The following ZFAND1 variants were observed in gnomAD, a reference collection of about 807,000 sequenced individuals.
ZFAND1 encodes the protein AN1-type zinc finger protein 1.
Under a neutral mutation model 38.5 loss-of-function variants are expected in ZFAND1, and 40 were observed. The ratio of observed to expected loss-of-function variants is 1.04; its 90% CI spans 0.81 to 1.35. The LOEUF (loss-of-function observed/expected upper bound fraction) is 1.35. Among genes scored for constraint, ZFAND1 ranks in the 40% most tolerant of loss-of-function variants. The probability of loss-of-function intolerance (pLI) is 0.00; values close to 1 mark genes in which losing one functional copy is unlikely to be tolerated. For synonymous variants in ZFAND1, 117 were observed against 103.6 expected (o/e 1.13, Z -0.78); for missense variants, 346 against 316.3 (o/e 1.09, Z -0.71).
chr8:81,708,719 A>C lies in ZFAND1; in HGVS notation c.480+5199T>G, dbSNP rs2130402456. ...CTAATAGCTACTGGAAACCATGGAG[A>C]AAAAGGGTACTCTCATGTTTGGCCA... On this transcript the variant is annotated intron_variant, in intron 6 of 7. Transcript: ENST00000220669. 2.8e-6 allele frequency: 3 copies of C among 1,081,540 alleles called. No homozygotes were observed. The East Asian group carries it at 2.9e-4, about 106-fold the overall frequency. The allele number at this position is 1,081,540 out of a possible 1,614,324, so 67.0% of individuals were successfully genotyped here. A position where few individuals can be genotyped will look rare whatever the true frequency, so the allele number is the denominator to read the frequency against.
At chr8:81,714,571 T>C (rs1359295463) in intron 5 of ZFAND1, 1 of 457,406 alleles carries the variant, frequency 2.2e-6, no homozygotes, top group African/African-American at 2.0e-5. Flanking sequence ...CTAATCTAAG[T>C]GGCTCAGCAA....
At chr8:81,705,687 G>A (rs1487550792) in intron 6 of ZFAND1, among the ~76,000 whole-genome samples, 10 of 152,354 alleles carry the variant, frequency 6.6e-5, no homozygotes, top group African/African-American at 2.2e-4. Context: ...TGGGGAGGCT[G>A]AGGTGGGCAG....
intron 5 of ZFAND1, chr8:81,714,241 A>T (rs965255620): frequency 2.0e-6 from 1 of 490,860 alleles, no homozygotes; most frequent in East Asian, 3.8e-5. Flanking sequence ...CAATCTCCAC[A>T]TCAAAAAATC....
chr8:81,709,925 C>A (rs1808089639), intron 6 of ZFAND1, among the ~76,000 whole-genome samples: 1 of 152,078 alleles, frequency 6.6e-6, no homozygotes, highest in South Asian at 2.1e-4. Context: ...TAGAAGATTG[C>A]CTCAAAGTAA....
chr8:81,713,557 TC>T (rs1808207186), intron 6 of ZFAND1, among the ~76,000 whole-genome samples: 1 of 152,064 alleles, frequency 6.6e-6, no homozygotes, highest in Non-Finnish European at 1.5e-5. Flanking sequence ...AAAGGAACAG[TC>T]CTAGAGAAAC....
rs1808072356 is a variant in ZFAND1, at chr8:81,709,435, T to C, written c.480+4483A>G. On this transcript the variant is annotated intron_variant, in intron 6 of 7. Coordinates refer to ENST00000220669, the MANE Select transcript of ZFAND1 (RefSeq NM_024699.3). ...TTATCAGGGCTTGGTATATAGAAAG[T>C]ATTTTTTTTTAAGTGTGTTGACTAA... Among the ~76,000 whole-genome samples, 4 of 152,190 alleles carry C rather than the reference T, an allele frequency of 2.6e-5. No homozygotes were observed. In the South Asian group the frequency reaches 8.3e-4, roughly 31 times the overall value.
At chr8:81,717,210 A>G (rs1306488330) in intron 3 of ZFAND1, 39 bp downstream of exon 3, 1 of 1,477,900 alleles carries the variant, frequency 6.8e-7, no homozygotes, top group Non-Finnish European at 9.0e-7. Context: ...GTACATAAAT[A>G]CGAATACATT....
chr8:81,711,388 G>T (rs1231942753), intron 6 of ZFAND1, among the ~76,000 whole-genome samples: 1 of 152,054 alleles, frequency 6.6e-6, no homozygotes, highest in African/African-American at 2.4e-5. Flanking sequence ...CTCCAGCCTG[G>T]GCGACAGAGC....
At chr8:81,704,456 T>C (rs1174205367) in intron 6 of ZFAND1, among the ~76,000 whole-genome samples, 1 of 150,576 alleles carries the variant, frequency 6.6e-6, no homozygotes, top group Non-Finnish European at 1.5e-5. Flanking sequence ...GAGGATCACT[T>C]GAGCCCAAGA....
chr8:81,720,389 G>C (rs995737708), intron 1 of ZFAND1, among the ~76,000 whole-genome samples: 2 of 152,116 alleles, frequency 1.3e-5, no homozygotes, highest in South Asian at 4.1e-4. Context: ...AAGGTCTTCC[G>C]TGTAAAAGAC....
intron 6 of ZFAND1, among the ~76,000 whole-genome samples, chr8:81,712,287 T>A (rs2130416940): frequency 6.6e-6 from 1 of 152,276 alleles, no homozygotes; most frequent in African/African-American, 2.4e-5. Context: ...TATCTAATAC[T>A]TGATGAAACT....
At chr8:81,712,701 T>C (rs1808174909) in intron 6 of ZFAND1, among the ~76,000 whole-genome samples, 1 of 152,130 alleles carries the variant, frequency 6.6e-6, no homozygotes, top group South Asian at 2.1e-4. Context: ...ACTTCTATAA[T>C]TACACATAAA....
rs189993980 is a variant in ZFAND1, at chr8:81,702,435, T to A, written c.*260A>T. On this transcript the variant is annotated 3_prime_UTR_variant, in exon 8 of 8. Transcript: ENST00000220669. ...CTGACATCCCCCACCAGGAAATACA[T>A]CTTTGTTGTTGTCACTACAGCATAA... is the stretch of plus-strand genomic sequence containing the variant. 1.2e-3 allele frequency: 244 copies of A among 209,690 alleles called. 1 individual carries two copies. Among genetic ancestry groups the A allele is most frequent in the African/African-American group, 4.7e-3 (205 of 43,642 alleles). The allele number at this position is 209,690 out of a possible 1,614,324, so 13.0% of individuals were successfully genotyped here.
chr8:81,702,950 T>A lies in ZFAND1; in HGVS notation c.636+19A>T, dbSNP rs745685848. 6.7e-7 allele frequency: 1 copy of A among 1,489,596 alleles called. No individual in the cohort carries two copies. The highest frequency in any genetic ancestry group is 8.9e-7 in the Non-Finnish European group (1 of 1,119,750). 92.3% of individuals were successfully genotyped at this position (1,489,596 alleles called of 1,614,324 possible). A position where few individuals can be genotyped will look rare whatever the true frequency, so the allele number is the denominator to read the frequency against. On this transcript the variant is annotated intron_variant, in intron 7 of 7. Coordinates refer to ENST00000220669, the MANE Select transcript of ZFAND1 (RefSeq NM_024699.3). ...AAAACCTTTATTAATATAGAAATAT[T>A]ATTATAATGAGATGTTACCTTAGCT...
At chr8:81,717,062 C>T (rs114765959) in intron 3 of ZFAND1, among the ~76,000 whole-genome samples, 187 bp downstream of exon 3, 1,599 of 152,038 alleles carry the variant, frequency 0.011, 16 homozygotes, top group African/African-American at 0.035. Context: ...TTACAAATAC[C>T]AAGTAAAACA....
At chr8:81,704,030 C>T (rs1807892615) in intron 6 of ZFAND1, among the ~76,000 whole-genome samples, 1 of 151,714 alleles carries the variant, frequency 6.6e-6, no homozygotes, top group Non-Finnish European at 1.5e-5. Flanking sequence ...CTGACACATA[C>T]AACATTTCTT....
Position 81,721,099 on chromosome 8 carries a change from T to C in ZFAND1, c.55+128A>G, listed in dbSNP as rs534682541. 2.2e-4 allele frequency: 214 copies of C among 956,852 alleles called. 3 individuals carry two copies. The African/African-American group carries it at 3.2e-3, about 14-fold the overall frequency. 59.3% of individuals were successfully genotyped at this position (956,852 alleles called of 1,614,324 possible). On this transcript the variant is annotated intron_variant, in intron 1 of 7. Transcript: ENST00000220669. ...CTCACTGCAGCCCCAGAAGAAACGC[T>C]CCCACCCCGCTCCTCAGGCCCTGCC...
At position 81,702,901 on chromosome 8, in the gene ZFAND1, A is replaced by C. The variant is rs755471620; in HGVS notation, c.637-36T>G. 2.6e-6 allele frequency: 4 copies of C among 1,553,170 alleles called. No homozygotes were observed. The African/African-American group carries it at 4.1e-5, about 16-fold the overall frequency. On this transcript the variant is annotated intron_variant, in intron 7 of 7. Transcript: ENST00000220669. ...AGAAGTAAGTCATACTGTAATAAAT[A>C]AACATGCTTGAATGGAGCATCATAA... is the stretch of plus-strand genomic sequence containing the variant.
chr8:81,706,370 CAAAAAAA>C (rs35031788), intron 6 of ZFAND1, among the ~76,000 whole-genome samples: 2,268 of 72,728 alleles, frequency 0.031, 38 homozygotes, highest in African/African-American at 0.11. Flanking sequence ...GAAGGAGAAA[CAAAAAAA>C]AAAAAAAAAA....
Sources: gnomAD v4.1 joint callset for allele counts (sites outside exome capture counted in the v4.1 genomes callset) on GRCh38, gnomAD v4.1.1 for gene constraint, MANE v1.5 for transcripts, NCBI Gene and HGNC (gene_info 2026-07-23, HGNC 2026-07-21) for gene names.